Variants in DLG2 observed in about 807,000 individuals in gnomAD.
DLG2 encodes the protein discs large MAGUK scaffold protein 2.
Under a neutral mutation model 132.5 loss-of-function variants are expected in DLG2, and 45 were observed. The ratio of observed to expected loss-of-function variants is 0.34; its 90% confidence interval spans 0.27 to 0.44. The LOEUF (loss-of-function observed/expected upper bound fraction) is 0.44. DLG2 is among the 20% of genes least tolerant of loss of function. The probability of loss-of-function intolerance (pLI) is 1.00; values close to 1 mark genes in which losing one functional copy is unlikely to be tolerated. For synonymous variants in DLG2, 424 were observed against 419.6 expected, an observed-to-expected ratio of 1.01 and a Z score of -0.13; for missense variants, 1,045 against 1,196.9, an observed-to-expected ratio of 0.87 and a Z score of 1.87.
chr11:84,016,743 T>C (rs1279292473), intron 11 of DLG2, among the ~76,000 whole-genome samples: 2 of 152,054 alleles, frequency 1.3e-5, no homozygotes, highest in East Asian at 1.9e-4. Context: ...ATAAGATAGG[T>C]ACAATTATTA....
intron 16 of DLG2, among the ~76,000 whole-genome samples, chr11:83,835,863 A>G (rs573396895): frequency 4.0e-4 from 61 of 152,224 alleles, no homozygotes; most frequent in African/African-American, 1.4e-3. Flanking sequence ...GTAGGATTGT[A>G]TTAGTCAGGG....
chr11:84,707,105 C>T (rs1471153698), intron 6 of DLG2, among the ~76,000 whole-genome samples: 1 of 151,614 alleles, frequency 6.6e-6, no homozygotes, highest in Middle Eastern at 3.2e-3. Context: ...GAAGAAAAAA[C>T]ATGAATGAGG....
chr11:85,072,008 A>C (rs901560201), intron 6 of DLG2, among the ~76,000 whole-genome samples: 5 of 151,868 alleles, frequency 3.3e-5, no homozygotes, highest in Non-Finnish European at 5.9e-5. Context: ...GAACGCATTT[A>C]ATCTTAGCAT....
intron 7 of DLG2, among the ~76,000 whole-genome samples, chr11:84,518,052 C>T (rs536944664): frequency 6.6e-6 from 1 of 151,598 alleles, no homozygotes. Context: ...AAATTTTACT[C>T]AGAATAAATA....
chr11:84,099,056 A>G lies in DLG2; in HGVS notation c.625-9T>C. The G allele has an allele frequency of 1.2e-6, 2 of 1,612,158 alleles. No individual in the cohort carries two copies. The highest frequency in any genetic ancestry group is 1.3e-5 in the African/African-American group (1 of 74,998). ...CCCAGGCCAGAATTCCCCTATAGAA[A>G]CAAAAAGCAGATATTAAATGATGTG... is the stretch of plus-strand genomic sequence containing the variant. On this transcript the variant is annotated splice_polypyrimidine_tract_variant and intron_variant, in intron 9 of 27. Transcript: ENST00000376104.
At chr11:84,952,612 G>A (rs2051111797) in intron 6 of DLG2, among the ~76,000 whole-genome samples, 1 of 151,666 alleles carries the variant, frequency 6.6e-6, no homozygotes. Context: ...AAAAAGACTG[G>A]ACACATGCAG....
chr11:84,282,234 G>A (rs1353649127), intron 7 of DLG2, among the ~76,000 whole-genome samples: 1 of 152,260 alleles, frequency 6.6e-6, no homozygotes, highest in African/African-American at 2.4e-5. Flanking sequence ...AAATAATCAT[G>A]TTGAGTGAAA....
At chr11:84,517,576 AAGAGTATAT>A (rs1366970626) in intron 7 of DLG2, among the ~76,000 whole-genome samples, 1 of 152,020 alleles carries the variant, frequency 6.6e-6, no homozygotes, top group Non-Finnish European at 1.5e-5. Context: ...CATTATGAAA[AAGAGTATAT>A]AGAGCTTCTT....
chr11:84,378,037 A>G (rs927763586), intron 7 of DLG2, among the ~76,000 whole-genome samples: 2 of 152,148 alleles, frequency 1.3e-5, no homozygotes, highest in African/African-American at 4.8e-5. Context: ...CTAGGAAAAT[A>G]CCTATTCCAC....
rs537950903 is a variant in DLG2 at position 85,412,895 on chromosome 11, TATA to T, written c.41-127533_41-127531del. ...CATGTGTGTGCAAATATCTTTTTCG[TATA>T]ATGATTTATTTTCCTCTGGGTAGAT... is the stretch of plus-strand genomic sequence containing the variant. On this transcript the variant is annotated intron_variant, in intron 3 of 27. Transcript: ENST00000376104. Among the ~76,000 whole-genome samples, 47 of 151,810 alleles carry T rather than the reference TATA, an allele frequency of 3.1e-4. No individual in the cohort carries two copies. The South Asian group carries it at 9.1e-3, about 29-fold the overall frequency.
At chr11:84,495,370 T>C (rs551330227) in intron 7 of DLG2, among the ~76,000 whole-genome samples, 24 of 152,292 alleles carry the variant, frequency 1.6e-4, no homozygotes, top group Middle Eastern at 3.4e-3. Context: ...CATAAATGTG[T>C]CATACTATTC....
intron 17 of DLG2, chr11:83,790,606 T>A: frequency 7.6e-7 from 1 of 1,316,398 alleles, no homozygotes; most frequent in Non-Finnish European, 1.1e-6. Flanking sequence ...CCACTGAAGT[T>A]CCTTTGGATT....
At chr11:85,403,743 G>A (rs966193277) in intron 3 of DLG2, among the ~76,000 whole-genome samples, 3 of 151,906 alleles carry the variant, frequency 2.0e-5, no homozygotes, top group Non-Finnish European at 4.4e-5. Context: ...TCTTTGTTAT[G>A]GGGGAAGATG....
chr11:84,627,609 A>G (rs1319511501), intron 6 of DLG2, among the ~76,000 whole-genome samples: 1 of 152,232 alleles, frequency 6.6e-6, no homozygotes, highest in Non-Finnish European at 1.5e-5. Context: ...CTCAACAGAC[A>G]TTAGCTATGT....
intron 6 of DLG2, among the ~76,000 whole-genome samples, chr11:84,696,287 G>A (rs1042404837): frequency 6.6e-6 from 1 of 151,464 alleles, no homozygotes; most frequent in African/African-American, 2.4e-5. Flanking sequence ...AAGCACTTAT[G>A]TATGTCGTCT....
chr11:83,495,140 A>G (rs1349759032), intron 21 of DLG2, among the ~76,000 whole-genome samples: 1 of 152,146 alleles, frequency 6.6e-6, no homozygotes, highest in Admixed American at 6.6e-5. Context: ...AACGGATTAG[A>G]TGTTCAGCTC....
chr11:84,849,173 C>T (rs114241891), intron 6 of DLG2, among the ~76,000 whole-genome samples: 17 of 152,152 alleles, frequency 1.1e-4, no homozygotes, highest in African/African-American at 3.9e-4. Flanking sequence ...AGTCAAACAG[C>T]GTAAGAGACT....
At chr11:84,217,157 C>T (rs1476603633) in intron 8 of DLG2, among the ~76,000 whole-genome samples, 1 of 152,154 alleles carries the variant, frequency 6.6e-6, no homozygotes, top group Non-Finnish European at 1.5e-5. Context: ...TTCTCTGGTA[C>T]AGGTTCTAAC....
intron 6 of DLG2, among the ~76,000 whole-genome samples, chr11:85,016,019 A>G (rs1265151095): frequency 6.6e-6 from 1 of 152,144 alleles, no homozygotes; most frequent in Non-Finnish European, 1.5e-5. Flanking sequence ...CAAATGAAGT[A>G]ATTTTCAAAA....
Sources: allele counts gnomAD v4.1 joint callset (sites outside exome capture counted in the v4.1 genomes callset), GRCh38; gene constraint gnomAD v4.1.1; transcripts MANE v1.5; gene names NCBI Gene and HGNC (gene_info 2026-07-23, HGNC 2026-07-21).